Variants in ST7 observed in about 807,000 individuals in gnomAD.
ST7 encodes the protein suppression of tumorigenicity 7, also known as suppressor of tumorigenicity 7 protein.
ST7 carries 28 observed loss-of-function variants against 78.7 expected under a neutral mutation model. The ratio of observed to expected loss-of-function variants is 0.36; its 90% CI spans 0.26 to 0.49. The LOEUF is 0.49. ST7 is among the 20% of genes least tolerant of loss of function. ST7 has a pLI of 0.99. For missense variants in ST7, 418 were observed against 696.0 expected, an observed-to-expected ratio of 0.60 and a Z score of 4.49; for synonymous variants, 247 against 249.6, an observed-to-expected ratio of 0.99 and a Z score of 0.10.
intron 1 of ST7, among the ~76,000 whole-genome samples, chr7:117,017,581 T>C (rs1795674478): frequency 6.6e-6 from 1 of 151,892 alleles, no homozygotes; most frequent in Non-Finnish European, 1.5e-5. Flanking sequence ...TCAGACAGAG[T>C]GGTTAAGCCA....
At chr7:117,117,062 G>A (rs1199896794) in intron 2 of ST7, among the ~76,000 whole-genome samples, 1 of 152,166 alleles carries the variant, frequency 6.6e-6, no homozygotes, top group African/African-American at 2.4e-5. Flanking sequence ...AGAGGGCCTT[G>A]GTAAGATAGT....
At chr7:116,972,520 T>C (rs1293128913) in intron 1 of ST7, 3 of 1,081,230 alleles carry the variant, frequency 2.8e-6, no homozygotes, top group Admixed American at 3.5e-5. Context: ...CACCAACTTA[T>C]GAGCTACCTC....
intron 9 of ST7, among the ~76,000 whole-genome samples, chr7:117,162,444 C>T (rs1174405646): frequency 6.6e-6 from 1 of 151,236 alleles, no homozygotes; most frequent in Non-Finnish European, 1.5e-5. Flanking sequence ...ACCCCATTAT[C>T]TGTTTAGTCC....
chr7:116,954,348 A>C (rs1235120772), intron 1 of ST7: 4 of 152,260 alleles, frequency 2.6e-5, no homozygotes, highest in Non-Finnish European at 5.9e-5. Context: ...ATGACGTGTC[A>C]GGTCACCAAA....
intron 1 of ST7, chr7:116,972,809 C>T: frequency 6.0e-6 from 6 of 994,786 alleles, no homozygotes; most frequent in Non-Finnish European, 9.5e-6. Flanking sequence ...TCTCCCTCAA[C>T]TTCTCACTGG....
chr7:117,060,895 A>C (rs1350308560), intron 1 of ST7, among the ~76,000 whole-genome samples: 2 of 152,166 alleles, frequency 1.3e-5, no homozygotes, highest in Non-Finnish European at 1.5e-5. Flanking sequence ...AATCCCAGCT[A>C]TTCAGGTTGT....
chr7:117,187,354 T>C (rs1001802779), intron 10 of ST7, among the ~76,000 whole-genome samples: 30 of 152,312 alleles, frequency 2.0e-4, no homozygotes, highest in East Asian at 1.3e-3. Flanking sequence ...ATATTTTGGT[T>C]ATTTTTTTTA....
intron 9 of ST7, among the ~76,000 whole-genome samples, chr7:117,148,722 C>A (rs1806007493): frequency 6.6e-6 from 1 of 152,154 alleles, no homozygotes; most frequent in African/African-American, 2.4e-5. Flanking sequence ...AAATTATTCC[C>A]AAATGATAGA....
At chr7:117,085,611 A>T (rs1363340676) in intron 1 of ST7, among the ~76,000 whole-genome samples, 2 of 152,130 alleles carry the variant, frequency 1.3e-5, no homozygotes, top group African/African-American at 2.4e-5. Flanking sequence ...GCTATCAAGT[A>T]CTCTCAAAGT....
At chr7:117,054,577 G>A (rs1797967524) in intron 1 of ST7, among the ~76,000 whole-genome samples, 1 of 152,168 alleles carries the variant, frequency 6.6e-6, no homozygotes, top group Admixed American at 6.5e-5. Context: ...GCCTTTGTTA[G>A]GCCATTCCTT....
At chr7:116,966,186 A>T (rs768041483) in intron 1 of ST7, 1 of 357,890 alleles carries the variant, frequency 2.8e-6, no homozygotes, top group African/African-American at 2.2e-5. Context: ...AGTGGATTAC[A>T]CTTATTTGTT....
intron 1 of ST7, among the ~76,000 whole-genome samples, chr7:117,059,586 T>C (rs1298479421): frequency 6.6e-6 from 1 of 152,038 alleles, no homozygotes; most frequent in Non-Finnish European, 1.5e-5. Flanking sequence ...GATCTAAACT[T>C]GTTCTGGAGT....
At chr7:117,210,241 C>G (rs1003554486) in intron 13 of ST7, among the ~76,000 whole-genome samples, 139 of 152,314 alleles carry the variant, frequency 9.1e-4, no homozygotes, top group African/African-American at 3.3e-3. Context: ...TGGACAGCCC[C>G]ACAGCATCAT....
At chr7:117,001,891 A>C (rs1794947256) in intron 1 of ST7, among the ~76,000 whole-genome samples, 1 of 152,198 alleles carries the variant, frequency 6.6e-6, no homozygotes, top group Non-Finnish European at 1.5e-5. Context: ...GGGAAAGTAC[A>C]TGGACAAGAC....
At chr7:117,129,571 G>A (rs1804162279) in intron 3 of ST7, among the ~76,000 whole-genome samples, 1 of 151,870 alleles carries the variant, frequency 6.6e-6, no homozygotes, top group South Asian at 2.1e-4. Flanking sequence ...TGGCAAGTGA[G>A]GAAACTCAGG....
intron 1 of ST7, among the ~76,000 whole-genome samples, chr7:117,040,855 T>G (rs990942477): frequency 6.6e-6 from 1 of 152,244 alleles, no homozygotes; most frequent in Non-Finnish European, 1.5e-5. Flanking sequence ...TCTACTATCT[T>G]GAAGAATATT....
intron 12 of ST7, among the ~76,000 whole-genome samples, chr7:117,207,240 G>GGCAACAA (rs1192127633): frequency 2.6e-5 from 4 of 151,584 alleles, no homozygotes; most frequent in Non-Finnish European, 4.4e-5. Context: ...TGCCTCCCAA[G>GGCAACAA]TTCAAACAAT....
At chr7:117,208,036 A>AG in intron 12 of ST7, among the ~76,000 whole-genome samples, 1 of 152,276 alleles carries the variant, frequency 6.6e-6, no homozygotes, top group East Asian at 1.9e-4. Flanking sequence ...AAATCACAAG[A>AG]GGATAGCCAG....
intron 1 of ST7, among the ~76,000 whole-genome samples, chr7:116,974,419 G>A (rs1585071997): frequency 6.6e-6 from 1 of 151,776 alleles, no homozygotes; most frequent in East Asian, 1.9e-4. Context: ...AGCCTCCCAA[G>A]TAGCTGGGAC....
Sources: gnomAD v4.1 joint callset for allele counts (sites outside exome capture counted in the v4.1 genomes callset) on GRCh38, gnomAD v4.1.1 for gene constraint, MANE v1.5 for transcripts, NCBI Gene and HGNC (gene_info 2026-07-23, HGNC 2026-07-21) for gene names.